CDR2: variants seen among roughly 807,000 people sequenced by gnomAD.
CDR2 encodes cerebellar degeneration related protein 2.
Under a neutral mutation model 48.4 loss-of-function variants are expected in CDR2, and 34 were observed. The observed-to-expected ratio is 0.70, with a 90% CI of 0.53 to 0.94. CDR2 has a LOEUF of 0.94. Ranked by LOEUF, CDR2 falls within the 40% of genes least tolerant of loss-of-function variation. The pLI is 0.00. For synonymous variants in CDR2, 240 were observed against 219.7 expected (o/e 1.09, Z -0.82); for missense variants, 498 against 549.5 (o/e 0.91, Z 0.94).
Position 22,374,211 on chromosome 16 carries a change from C to CG in CDR2, c.79+19dup. 1 of 1,554,268 alleles carries CG rather than the reference C, an allele frequency of 6.4e-7. No individual in the cohort carries two copies. ...CCCGGGCCAGGCCGCCGCCCGCCCG[C>CG]GGGGCGCCCCCGCCCTCACCTTGCT... On this transcript the variant is annotated intron_variant, in intron 1 of 4. Transcript: ENST00000268383.
At chr16:22,365,444 G>A (rs2049038964) in intron 1 of CDR2, among the ~76,000 whole-genome samples, 1 of 152,116 alleles carries the variant, frequency 6.6e-6, no homozygotes, top group Non-Finnish European at 1.5e-5. Context: ...AACTGTTAAA[G>A]TTTATTGTCA....
intron 2 of CDR2, among the ~76,000 whole-genome samples, chr16:22,353,019 G>A (rs11860931): frequency 2.3e-3 from 347 of 152,092 alleles, no homozygotes; most frequent in African/African-American, 7.8e-3. Context: ...CCACAGGAGC[G>A]GAAAAAAGGC....
chr16:22,360,739 C>CTTTT lies in CDR2; in HGVS notation c.192+4159_192+4162dup, dbSNP rs201976962. 1.8e-4 allele frequency among the ~76,000 whole-genome samples: 13 copies of CTTTT among 74,142 alleles called. 2 individuals carry two copies. Among genetic ancestry groups the CTTTT allele is most frequent in the Non-Finnish European group, 2.8e-4 (10 of 35,386 alleles). 48.6% of individuals were successfully genotyped at this position (74,142 alleles called of 152,430 possible). ...TATTTTTCTGAATTAAAAAAATGAT[C>CTTTT]TTTTTTTTTTTTTTTTTTTTTTTTT... On this transcript the variant is annotated intron_variant, in intron 2 of 4. Transcript: ENST00000268383.
At chr16:22,371,784 CT>C (rs2049079182) in intron 1 of CDR2, among the ~76,000 whole-genome samples, 1 of 152,062 alleles carries the variant, frequency 6.6e-6, no homozygotes, top group East Asian at 1.9e-4. Context: ...TCAAAGTCCA[CT>C]GTGATAACGT....
At chr16:22,365,188 A>T in intron 1 of CDR2, 174 bp from the exon 2 acceptor site, 2 of 568,302 alleles carry the variant, frequency 3.5e-6, no homozygotes, top group Non-Finnish European at 6.3e-6. Flanking sequence ...CGCCTCCAGC[A>T]GGTAATGTAT....
chr16:22,346,723 A>G lies in CDR2; in HGVS notation c.*242T>C, dbSNP rs2048907242. ...GGTCCTTTTCAGGAACTGAAGTCTA[A>G]TCAGCGCGCCAGCCAGAGGCCAGTT... On this transcript the variant is annotated 3_prime_UTR_variant, in exon 5 of 5. Transcript: ENST00000268383. 1.9e-6 allele frequency: 1 copy of G among 519,042 alleles called. No individual in the cohort carries two copies. Among genetic ancestry groups the G allele is most frequent in the African/African-American group, 1.9e-5 (1 of 52,490 alleles). The allele number at this position is 519,042 out of a possible 1,614,324, so 32.2% of individuals were successfully genotyped here.
At chr16:22,357,221 G>A (rs2048980839) in intron 2 of CDR2, among the ~76,000 whole-genome samples, 1 of 151,990 alleles carries the variant, frequency 6.6e-6, no homozygotes, top group South Asian at 2.1e-4. Flanking sequence ...GCTAATTTTT[G>A]TATTTTTATT....
chr16:22,349,612 G>T, intron 3 of CDR2, 89 bp downstream of exon 3: 1 of 1,454,834 alleles, frequency 6.9e-7, no homozygotes, highest in South Asian at 1.3e-5. Flanking sequence ...ATCCCATATT[G>T]ACCCAAACCC....
chr16:22,351,312 C>G (rs187066746), intron 2 of CDR2, among the ~76,000 whole-genome samples: 1 of 152,052 alleles, frequency 6.6e-6, no homozygotes, highest in Non-Finnish European at 1.5e-5. Flanking sequence ...TGAATAGTGC[C>G]GCAATAAACA....
intron 2 of CDR2, among the ~76,000 whole-genome samples, chr16:22,351,352 G>C (rs995326289): frequency 2.6e-5 from 4 of 152,184 alleles, no homozygotes; most frequent in Non-Finnish European, 5.9e-5. Context: ...ATAGCAGCAT[G>C]ATTTATGATA....
rs1294200384 is a variant in CDR2, at chr16:22,374,248, T to C, written c.62A>G (p.His21Arg). The change falls in exon 1 of 5, where the codon CAC becomes CGC. Residue 21 changes from histidine to arginine, a missense_variant. His to Arg is a conservative substitution (Grantham distance 29, BLOSUM62 0). Transcript: ENST00000268383. ...EMKEDEPWYD[H>R]QDLQQDLQLA... Reference sequence around the variant, plus strand: ...GCCCTCACCTTGCTGGAGGTCCTGGTGGTCGTACCACGGCTCGTCCTCCTT... The same window carrying C: ...GCCCTCACCTTGCTGGAGGTCCTGGCGGTCGTACCACGGCTCGTCCTCCTT... 1.2e-6 allele frequency: 2 copies of C among 1,602,474 alleles called. No individual in the cohort carries two copies. Among genetic ancestry groups the C allele is most frequent in the Non-Finnish European group, 1.7e-6 (2 of 1,174,918 alleles).
chr16:22,347,364 G>A lies in CDR2; in HGVS notation c.966C>T (p.Asp322=), dbSNP rs1598289382. Residue 322 remains aspartate (D), a synonymous_variant, in exon 5 of 5, where the codon GAC becomes GAT. Coordinates refer to ENST00000268383, the MANE Select transcript of CDR2 (RefSeq NM_001802.2). ...AGGTCTCCTCGTGGCCCTTCACGAT[G>A]TCACTCCCTGCCAAGCTGCTGAGGA... is the stretch of plus-strand genomic sequence containing the variant. The part of the protein sequence containing the change: ...ETILSSLAGS[D]IVKGHEETCI... The A allele has an allele frequency of 1.2e-6, 2 of 1,614,198 alleles. No homozygotes were observed. Among genetic ancestry groups the A allele is most frequent in the Non-Finnish European group, 1.7e-6 (2 of 1,180,038 alleles).
At chr16:22,372,582 A>G (rs1288849512) in intron 1 of CDR2, among the ~76,000 whole-genome samples, 4 of 152,244 alleles carry the variant, frequency 2.6e-5, no homozygotes, top group Admixed American at 2.0e-4. Context: ...GCAGTGGTAC[A>G]GTGGTTGCCT....
In CDR2 at chr16:22,374,330, G is replaced by A. The variant is rs990687147; in HGVS notation, c.-21C>T. 2.6e-6 allele frequency: 4 copies of A among 1,553,330 alleles called. No individual in the cohort carries two copies. Among genetic ancestry groups the A allele is most frequent in the Admixed American group, 1.8e-5 (1 of 56,586 alleles). On this transcript the variant is annotated 5_prime_UTR_variant, in exon 1 of 5. Transcript: ENST00000268383. ...AGCATCTCGGCTGGGTCTTCTAGGG[G>A]CAGCGGCCCCCGCCGCCGTCCCGCC...
intron 2 of CDR2, among the ~76,000 whole-genome samples, chr16:22,352,836 C>T (rs1043238446): frequency 6.6e-6 from 1 of 152,212 alleles, no homozygotes; most frequent in Admixed American, 6.5e-5. Context: ...TTCACTGCCT[C>T]AACTCCCACC....
At chr16:22,361,519 G>A (rs1204704307) in intron 2 of CDR2, among the ~76,000 whole-genome samples, 2 of 152,258 alleles carry the variant, frequency 1.3e-5, no homozygotes, top group East Asian at 1.9e-4. Context: ...AATCTACATC[G>A]TGATCTCTAC....
At chr16:22,355,584 C>T (rs2048969430) in intron 2 of CDR2, among the ~76,000 whole-genome samples, 1 of 152,198 alleles carries the variant, frequency 6.6e-6, no homozygotes. Flanking sequence ...CTAGGCCCAA[C>T]AAACCAAACC....
At chr16:22,362,165 T>C (rs146774032) in intron 2 of CDR2, among the ~76,000 whole-genome samples, 2,166 of 152,276 alleles carry the variant, frequency 0.014, 22 homozygotes, top group Non-Finnish European at 0.022. Flanking sequence ...CCTACCAAAG[T>C]GCTAGGATTA....
intron 2 of CDR2, among the ~76,000 whole-genome samples, chr16:22,353,623 C>CT (rs2141845292): frequency 6.6e-6 from 1 of 152,308 alleles, no homozygotes; most frequent in South Asian, 2.1e-4. Context: ...GGAATCCACA[C>CT]TAACAAGCTT....
Sources: gnomAD v4.1 joint callset for allele counts (sites outside exome capture counted in the v4.1 genomes callset) on GRCh38, gnomAD v4.1.1 for gene constraint, MANE v1.5 for transcripts, NCBI Gene and HGNC (gene_info 2026-07-23, HGNC 2026-07-21) for gene names.